Variants in TENT2 observed in about 807,000 individuals in gnomAD.
The protein encoded by TENT2 is terminal nucleotidyltransferase 2, also known as poly(A) RNA polymerase GLD2.
Under a neutral mutation model 72.2 loss-of-function variants are expected in TENT2, and 44 were observed. The observed-to-expected ratio is 0.61, with a 90% CI of 0.48 to 0.78. The LOEUF is 0.78. TENT2 is among the 30% of genes least tolerant of loss of function. TENT2 has a pLI of 0.00. For synonymous variants in TENT2, 212 were observed against 192.5 expected, an observed-to-expected ratio of 1.10 and a Z score of -0.84; for missense variants, 541 against 569.6, an observed-to-expected ratio of 0.95 and a Z score of 0.51.
At chr5:79,628,668 G>A (rs1037759999) in intron 4 of TENT2, among the ~76,000 whole-genome samples, 7 of 152,174 alleles carry the variant, frequency 4.6e-5, no homozygotes, top group Admixed American at 1.3e-4. Flanking sequence ...TAGATTTGGG[G>A]TGTATAGGCT....
At chr5:79,636,485 T>A (rs771373288) in intron 4 of TENT2, among the ~76,000 whole-genome samples, 16 of 152,242 alleles carry the variant, frequency 1.1e-4, no homozygotes, top group Non-Finnish European at 2.2e-4. Context: ...AGTGTTATAT[T>A]AAGTATAGAA....
rs182128333 is a variant in TENT2, at chr5:79,676,152, A to C, written c.1209-3427A>C. Among the ~76,000 whole-genome samples the C allele has an allele frequency of 3.2e-3, 423 of 133,578 alleles. 1 individual carries two copies. The highest frequency in any genetic ancestry group is 9.5e-3 in the South Asian group (40 of 4,216). The allele number at this position is 133,578 out of a possible 152,430, so 87.6% of individuals were successfully genotyped here. On this transcript the variant is annotated intron_variant, in intron 12 of 14. Transcript: ENST00000453514. The stretch of plus-strand genomic sequence containing the variant: ...CTAGTATATATACATATATATATAC[A>C]TATATATGTATACACACACACACAC...
chr5:79,658,995 A>G (rs980001910), intron 11 of TENT2, among the ~76,000 whole-genome samples: 2 of 152,172 alleles, frequency 1.3e-5, no homozygotes, highest in African/African-American at 2.4e-5. Flanking sequence ...AAGGCCTTAA[A>G]AAATACTAAT....
chr5:79,659,558 ATATATATATATATAT>A (rs1800886560), intron 11 of TENT2, among the ~76,000 whole-genome samples: 1 of 52,294 alleles, frequency 1.9e-5, no homozygotes, highest in Non-Finnish European at 3.5e-5. Context: ...AAAAAAATGT[ATATATATATATATAT>A]ATATATATAT....
intron 11 of TENT2, chr5:79,668,669 A>G: frequency 2.2e-6 from 1 of 453,202 alleles, no homozygotes; most frequent in Non-Finnish European, 3.9e-6. Context: ...ACTGAGTGAT[A>G]TACTCAAGCC....
chr5:79,648,532 G>A, intron 8 of TENT2, 85 bp from the exon 9 acceptor site: 1 of 899,256 alleles, frequency 1.1e-6, no homozygotes, highest in South Asian at 1.7e-5. Flanking sequence ...TCATGGGATG[G>A]ATGAGCATTA....
At chr5:79,622,275 C>T (rs1404215603) in intron 3 of TENT2, among the ~76,000 whole-genome samples, 1 of 151,944 alleles carries the variant, frequency 6.6e-6, no homozygotes, top group Non-Finnish European at 1.5e-5. Context: ...GCACTCTAGC[C>T]CGGCAACAGA....
intron 4 of TENT2, among the ~76,000 whole-genome samples, chr5:79,634,482 A>C (rs12520923): frequency 0.11 from 17,273 of 151,772 alleles, 1,109 homozygotes; most frequent in East Asian, 0.29. Flanking sequence ...GACTACAGGC[A>C]CCTGTCACCA....
chr5:79,637,646 C>T (rs935419535), intron 4 of TENT2, among the ~76,000 whole-genome samples: 1 of 152,040 alleles, frequency 6.6e-6, no homozygotes, highest in Admixed American at 6.6e-5. Context: ...AGGCTTGTCT[C>T]GGATTCCTGG....
At position 79,685,813 on chromosome 5, in the gene TENT2, A is replaced by C. The variant is rs1208598724; in HGVS notation, c.*540A>C. 2 of 153,080 alleles carry C rather than the reference A, an allele frequency of 1.3e-5. No individual in the cohort carries two copies. Among genetic ancestry groups the C allele is most frequent in the Admixed American group, 6.5e-5 (1 of 15,274 alleles). 9.5% of individuals were successfully genotyped at this position (153,080 alleles called of 1,614,324 possible). ...AACAATTGCCTTAAGTCTTTGCTTG[A>C]CTCACTGGGATAGACTGAGGCTTTG... On this transcript the variant is annotated 3_prime_UTR_variant, in exon 15 of 15. Coordinates refer to ENST00000453514, the MANE Select transcript of TENT2 (RefSeq NM_001114394.3).
chr5:79,658,758 C>G (rs55784250), intron 11 of TENT2, among the ~76,000 whole-genome samples: 30,884 of 152,030 alleles, frequency 0.2, 4,634 homozygotes, highest in African/African-American at 0.42. Context: ...AGGAGACTGG[C>G]GAAATATCAG....
chr5:79,620,392 A>AT lies in TENT2; in HGVS notation c.227+315dup, dbSNP rs544929503. 1.6e-4 allele frequency among the ~76,000 whole-genome samples: 25 copies of AT among 152,186 alleles called. No homozygotes were observed. The East Asian group carries it at 2.5e-3, about 15-fold the overall frequency. On this transcript the variant is annotated intron_variant, in intron 3 of 14. Coordinates refer to ENST00000453514, the MANE Select transcript of TENT2 (RefSeq NM_001114394.3). The stretch of plus-strand genomic sequence containing the variant: ...CTCAGAAAACCACTTTTTAATTGAG[A>AT]TTTTTTAACTAAATGAGATGGCCTG...
At chr5:79,618,542 T>G (rs1408181101) in intron 1 of TENT2, among the ~76,000 whole-genome samples, 4 of 152,164 alleles carry the variant, frequency 2.6e-5, no homozygotes, top group Admixed American at 6.5e-5. Context: ...CCCCTTTCTT[T>G]TTAAATAGCA....
In TENT2 at chr5:79,640,941, A is replaced by G. The variant is rs1303557599; in HGVS notation, c.556A>G (p.Arg186Gly). 1.9e-6 allele frequency: 3 copies of G among 1,608,418 alleles called. No homozygotes were observed. In the South Asian group the frequency reaches 3.3e-5, roughly 18 times the overall value. ...KKELCRTQLQREIQLLFPQSR... is the reference protein window; with the variant it reads ...KKELCRTQLQGEIQLLFPQSR... Reference sequence around the variant, plus strand: ...AGAACTCTGTCGAACACAGCTGCAGAGAGAAATTCAGCTGTTATTTCCACG... The same window carrying G: ...AGAACTCTGTCGAACACAGCTGCAGGGAGAAATTCAGCTGTTATTTCCACG... Residue 186 changes from arginine (R) to glycine (G), a missense_variant, in exon 5 of 15, where the codon AGA becomes GGA. Coordinates refer to ENST00000453514, the MANE Select transcript of TENT2 (RefSeq NM_001114394.3).
intron 8 of TENT2, among the ~76,000 whole-genome samples, chr5:79,646,760 G>A: frequency 6.9e-6 from 1 of 144,336 alleles, no homozygotes; most frequent in Non-Finnish European, 1.5e-5. Context: ...AACTTTTTTT[G>A]TTCCTAAGCT....
intron 12 of TENT2, among the ~76,000 whole-genome samples, chr5:79,675,103 A>G (rs1056349766): frequency 6.6e-6 from 1 of 152,208 alleles, no homozygotes; most frequent in South Asian, 2.1e-4. Flanking sequence ...ACAGGGTAAA[A>G]TTAGAGTGTT....
At chr5:79,669,172 C>G in intron 12 of TENT2, 144 bp downstream of exon 12, 1 of 1,019,166 alleles carries the variant, frequency 9.8e-7, no homozygotes, top group South Asian at 2.1e-5. Flanking sequence ...TAAAGTTGTC[C>G]AGAAATGTAT....
intron 1 of TENT2, chr5:79,615,004 C>CT (rs1580128923): frequency 6.6e-6 from 1 of 152,258 alleles, no homozygotes; most frequent in Non-Finnish European, 1.5e-5. Context: ...AGCCTACCTT[C>CT]TTTAAAAAGA....
intron 4 of TENT2, 51 bp downstream of exon 4, chr5:79,623,540 A>G: frequency 7.8e-7 from 1 of 1,275,342 alleles, no homozygotes; most frequent in Non-Finnish European, 1.1e-6. Flanking sequence ...TAGTATAAAT[A>G]ATGTATTAAT....
Sources: allele counts gnomAD v4.1 joint callset (sites outside exome capture counted in the v4.1 genomes callset), GRCh38; gene constraint gnomAD v4.1.1; transcripts MANE v1.5; gene names NCBI Gene and HGNC (gene_info 2026-07-23, HGNC 2026-07-21).